The following EIF4G1 variants were observed in gnomAD, a reference collection of about 807,000 sequenced individuals.
EIF4G1 encodes eukaryotic translation initiation factor 4 gamma 1, also known as EIF4-gamma.
In EIF4G1, 4 loss-of-function variants were observed where a neutral mutation model predicts 187.8. The ratio of observed to expected loss-of-function variants is 0.02; its 90% CI spans 0.01 to 0.05. EIF4G1 has a LOEUF of 0.05. Ranked by LOEUF, EIF4G1 falls within the 10% of genes least tolerant of loss-of-function variation. The pLI, the probability that EIF4G1 is intolerant of heterozygous loss-of-function variation, is 1.00. For synonymous variants in EIF4G1, 844 were observed against 781.4 expected (o/e 1.08, Z -1.34); for missense variants, 1,647 against 2,081.1 (o/e 0.79, Z 4.06).
intron 4 of EIF4G1, chr3:184,316,807 A>C: frequency 1.3e-6 from 2 of 1,483,062 alleles, no homozygotes; most frequent in Non-Finnish European, 1.8e-6. Flanking sequence ...GGGGCTAGAC[A>C]CAGGGAATGG....
rs1321993948 is a variant in EIF4G1 at position 184,315,902 on chromosome 3, C to CA, written c.60+47dup. The CA allele has an allele frequency of 5.3e-6, 8 of 1,522,104 alleles. No individual in the cohort carries two copies. The Middle Eastern group carries it at 5.8e-4, about 110-fold the overall frequency. The allele number at this position is 1,522,104 out of a possible 1,614,324, so 94.3% of individuals were successfully genotyped here. On this transcript the variant is annotated intron_variant, in intron 3 of 32. Coordinates refer to ENST00000346169, the MANE Select transcript of EIF4G1 (RefSeq NM_198241.3). ...AGGGGTGGGGGTGGGGGAGACCAGG[C>CA]AGTCTCCAGCCTCTGGATCTTCCTA...
rs758840131 is a variant in EIF4G1, at chr3:184,316,122, C to T, written c.61-10C>T. On this transcript the variant is annotated splice_polypyrimidine_tract_variant and intron_variant, in intron 3 of 32. Coordinates refer to ENST00000346169, the MANE Select transcript of EIF4G1 (RefSeq NM_198241.3). ...TCCCCTCTTGCTGAACTCTGGTCTC[C>T]CCTCTTCAGCCAGCGTTTCCCCCGG... 3.7e-6 allele frequency: 6 copies of T among 1,614,032 alleles called. No homozygotes were observed. The highest frequency in any genetic ancestry group is 2.2e-5 in the East Asian group (1 of 44,894).
In EIF4G1 at chr3:184,325,729, C is replaced by T. The variant is rs748077333; in HGVS notation, c.3121+90C>T. On this transcript the variant is annotated intron_variant, in intron 20 of 32. Transcript: ENST00000346169. The surrounding 1 kb of genome is among the most constrained non-coding windows in gnomAD (Gnocchi z 5.2). Reference sequence around the variant, plus strand: ...ATGACTTCCTGTTAGTGCCACGTGTCTGGGCCACTGAGACACCATGATGGA... The same window carrying T: ...ATGACTTCCTGTTAGTGCCACGTGTTTGGGCCACTGAGACACCATGATGGA... The T allele has an allele frequency of 6.2e-7, 1 of 1,610,838 alleles. No homozygotes were observed. The highest frequency in any genetic ancestry group is 1.3e-5 in the African/African-American group (1 of 74,818).
intron 9 of EIF4G1, 24 bp from the exon 10 acceptor site, chr3:184,321,258 T>A: frequency 6.2e-7 from 1 of 1,614,034 alleles, no homozygotes; most frequent in South Asian, 1.1e-5. Context: ...CTTTAGTTGC[T>A]CATTCTTCCT....
At chr3:184,328,223 C>G (rs776447084) in intron 26 of EIF4G1, 8 of 572,586 alleles carry the variant, frequency 1.4e-5, no homozygotes, top group Non-Finnish European at 2.5e-5. Context: ...ATGGTGAAAC[C>G]CTGTCTCTAC....
In EIF4G1 at chr3:184,323,990, T is replaced by G; in HGVS notation, c.2472+13T>G. 1 of 1,613,398 alleles carries G rather than the reference T, an allele frequency of 6.2e-7. No individual in the cohort carries two copies. The highest frequency in any genetic ancestry group is 8.5e-7 in the Non-Finnish European group (1 of 1,180,024). On this transcript the variant is annotated intron_variant, in intron 16 of 32. Coordinates refer to ENST00000346169, the MANE Select transcript of EIF4G1 (RefSeq NM_198241.3). This position sits in a 1 kb window ranked among gnomAD's most constrained non-coding sequence, Gnocchi z 6.9. The stretch of plus-strand genomic sequence containing the variant: ...CTGCCTCATGGCGGTTAGTTTCCAG[T>G]GGGTTCTAAATCTAATGGTCTGGTT...
At chr3:184,319,544 C>T in intron 6 of EIF4G1, 145 bp from the exon 7 acceptor site, 1 of 629,622 alleles carries the variant, frequency 1.6e-6, no homozygotes, top group Non-Finnish European at 3.0e-6. Flanking sequence ...CACCTAATTC[C>T]CTGGGGGAGG....
chr3:184,330,048 A>C (rs561651940), intron 28 of EIF4G1, among the ~76,000 whole-genome samples: 20 of 152,294 alleles, frequency 1.3e-4, no homozygotes, highest in African/African-American at 4.8e-4. Flanking sequence ...TATTTCATCA[A>C]CTCCAAGGTG....
intron 6 of EIF4G1, 83 bp from the exon 7 acceptor site, chr3:184,319,606 G>A (rs1577195701): frequency 1.1e-6 from 1 of 914,842 alleles, no homozygotes; most frequent in African/African-American, 1.6e-5. Context: ...GAGAGGTTTT[G>A]GGGTGGGAGG....
intron 26 of EIF4G1, 187 bp from the exon 27 acceptor site, chr3:184,328,444 T>C: frequency 1.2e-6 from 1 of 833,630 alleles, no homozygotes; most frequent in Admixed American, 1.9e-5. Context: ...TCAGCATAAC[T>C]TTAGGGGGTT....
intron 6 of EIF4G1, 37 bp from the exon 7 acceptor site, chr3:184,319,652 C>T (rs1468301910): frequency 6.6e-5 from 88 of 1,340,332 alleles, no homozygotes; most frequent in Non-Finnish European, 8.6e-5. Flanking sequence ...TGGGCCCTGA[C>T]GCTACCACCA....
At position 184,327,571 on chromosome 3, in the gene EIF4G1, G is replaced by A; in HGVS notation, c.3662-15G>A. 3.7e-6 allele frequency: 6 copies of A among 1,613,934 alleles called. No individual in the cohort carries two copies. Among genetic ancestry groups the A allele is most frequent in the African/African-American group, 1.3e-5 (1 of 75,050 alleles). ...AGACTGAAAAGTCCCTCTAATCTGT[G>A]TTCTCTTCCCACAGTGAAGCGAGAA... On this transcript the variant is annotated splice_polypyrimidine_tract_variant and intron_variant, in intron 24 of 32. Coordinates refer to ENST00000346169, the MANE Select transcript of EIF4G1 (RefSeq NM_198241.3).
rs112545306 is a variant in EIF4G1 at position 184,322,040 on chromosome 3, C to T, written c.1456C>T (p.Pro486Ser). 1,828 of 1,614,096 alleles carry T rather than the reference C, an allele frequency of 1.1e-3. No individual in the cohort carries two copies. Among genetic ancestry groups the T allele is most frequent in the Non-Finnish European group, 1.4e-3 (1,638 of 1,180,036 alleles). ...SEKGGEELLP[P>S]ESTPIPANLS... ...GAAAGGAGGAGAGGAACTGCTCCCC[C>T]CAGAGAGTACCCCTATTCCAGCCAA... is the stretch of plus-strand genomic sequence containing the variant. The change falls in exon 10 of 33, where the codon CCA (proline) becomes TCA (serine). Residue 486 changes from proline (P) to serine (S), a missense_variant. Around this residue, in one of 11 missense-constraint regions of EIF4G1, gnomAD observed 522 missense variants for 485.2 expected, o/e 1.08. Coordinates refer to ENST00000346169, the MANE Select transcript of EIF4G1 (RefSeq NM_198241.3).
rs984640937 is a variant in EIF4G1 at position 184,332,234 on chromosome 3, C to T, written c.4618+148C>T. 1.8e-5 allele frequency: 19 copies of T among 1,069,028 alleles called. No individual in the cohort carries two copies. In the African/African-American group the frequency reaches 2.1e-4, roughly 12 times the overall value. The allele number at this position is 1,069,028 out of a possible 1,614,324, so 66.2% of individuals were successfully genotyped here. On this transcript the variant is annotated intron_variant, in intron 32 of 32. Coordinates refer to ENST00000346169, the MANE Select transcript of EIF4G1 (RefSeq NM_198241.3). ...CTCTGGGTTTCATTCTTTCCTTTTA[C>T]GTTTGTGTTGTGTTGTTCCTACAAG...
At chr3:184,326,388 A>G in intron 21 of EIF4G1, 139 bp from the exon 22 acceptor site, 1 of 822,606 alleles carries the variant, frequency 1.2e-6, no homozygotes. Flanking sequence ...TAGTTGCAAT[A>G]GAGACTGGCC....
At chr3:184,322,337 C>T (rs1308496446) in intron 10 of EIF4G1, 25 bp from the exon 11 acceptor site, 1 of 1,603,808 alleles carries the variant, frequency 6.2e-7, no homozygotes, top group South Asian at 1.1e-5. Context: ...AAGATCCATG[C>T]TTTTATTTAT....
chr3:184,317,547 A>C (rs1485477890), intron 5 of EIF4G1, 50 bp downstream of exon 5: 21 of 1,605,464 alleles, frequency 1.3e-5, no homozygotes, highest in Admixed American at 1.7e-5. Context: ...TATACCTCTC[A>C]CTTAACTCAC....
chr3:184,317,555 C>T (rs1399713104), intron 5 of EIF4G1, 58 bp downstream of exon 5: 3 of 1,599,516 alleles, frequency 1.9e-6, no homozygotes, highest in Non-Finnish European at 2.6e-6. Context: ...TCACTTAACT[C>T]ACCCTGACCC....
At chr3:184,329,233 A>C (rs1170679560) in intron 28 of EIF4G1, 1 of 547,712 alleles carries the variant, frequency 1.8e-6, no homozygotes, top group African/African-American at 1.9e-5. Context: ...TGATGCATTT[A>C]TTTATTCATT....
Sources: gnomAD v4.1 joint callset for allele counts (sites outside exome capture counted in the v4.1 genomes callset) on GRCh38, gnomAD v4.1.1 for gene constraint, gnomAD v4.1.1 regional missense constraint, Gnocchi (gnomAD v3.1) non-coding constraint, MANE v1.5 for transcripts, NCBI Gene and HGNC (gene_info 2026-07-23, HGNC 2026-07-21) for gene names.